Variants in PRKCA observed in about 807,000 individuals in gnomAD.
PRKCA encodes the protein protein kinase C alpha type.
PRKCA carries 27 observed loss-of-function variants against 87.0 expected under a neutral mutation model. The ratio of observed to expected loss-of-function variants is 0.31; its 90% CI spans 0.23 to 0.43. The LOEUF (loss-of-function observed/expected upper bound fraction) is 0.43. PRKCA is among the 20% of genes least tolerant of loss of function. The pLI, the probability that PRKCA is intolerant of heterozygous loss-of-function variation, is 1.00. For missense variants in PRKCA, 518 were observed against 852.3 expected (o/e 0.61, Z 4.88); for synonymous variants, 329 against 311.1 (o/e 1.06, Z -0.61).
intron 14 of PRKCA, chr17:66,775,660 C>T (rs1193118960): frequency 2.6e-5 from 26 of 985,320 alleles, no homozygotes; most frequent in South Asian, 1.9e-4. Context: ...CCATGCTGTG[C>T]GACAGAGCCA....
intron 3 of PRKCA, among the ~76,000 whole-genome samples, chr17:66,619,560 C>G (rs1052397495): frequency 6.6e-6 from 1 of 152,172 alleles, no homozygotes; most frequent in African/African-American, 2.4e-5. Context: ...GTATATGCAA[C>G]AGAAGGGCAT....
chr17:66,805,040 T>C lies in PRKCA; in HGVS notation c.*1003T>C. On this transcript the variant is annotated 3_prime_UTR_variant, in exon 17 of 17. Coordinates refer to ENST00000413366, the MANE Select transcript of PRKCA (RefSeq NM_002737.3). ...CAGTGTCGCTTATGAAAGTACGATG[T>C]ACAGTAACTTAATGGAAGTGCTGAC... is the stretch of plus-strand genomic sequence containing the variant. 1.0e-6 allele frequency: 1 copy of C among 983,556 alleles called. No homozygotes were observed. The highest frequency in any genetic ancestry group is 1.2e-6 in the Non-Finnish European group (1 of 828,106). The allele number at this position is 983,556 out of a possible 1,614,324, so 60.9% of individuals were successfully genotyped here. A position where few individuals can be genotyped will look rare whatever the true frequency, so the allele number is the denominator to read the frequency against.
chr17:66,451,987 G>A (rs1353201030), intron 2 of PRKCA, among the ~76,000 whole-genome samples: 2 of 152,204 alleles, frequency 1.3e-5, no homozygotes, highest in Non-Finnish European at 2.9e-5. Context: ...ACCGCCGGGA[G>A]GTAAATCAGA....
chr17:66,766,548 T>TA (rs1429436378), intron 13 of PRKCA, among the ~76,000 whole-genome samples: 1 of 152,094 alleles, frequency 6.6e-6, no homozygotes, highest in East Asian at 1.9e-4. Context: ...CTGCCACTGT[T>TA]AAAAACAAAC....
intron 16 of PRKCA, among the ~76,000 whole-genome samples, chr17:66,794,784 C>A (rs977259928): frequency 5.3e-5 from 8 of 152,040 alleles, no homozygotes; most frequent in African/African-American, 1.9e-4. Context: ...CCATGCCTGG[C>A]TAATTTTTTT....
chr17:66,774,071 A>G lies in PRKCA; in HGVS notation c.1605+4A>G, dbSNP rs1465849855. 1.9e-6 allele frequency: 3 copies of G among 1,613,778 alleles called. No individual in the cohort carries two copies. Among genetic ancestry groups the G allele is most frequent in the African/African-American group, 2.7e-5 (2 of 74,856 alleles). ...GTATGAAATGCTTGCCGGGCAGGTA[A>G]TGTTTTGCTACATTTTCATGTTTGT... is the stretch of plus-strand genomic sequence containing the variant. On this transcript the variant is annotated splice_donor_region_variant and intron_variant, in intron 14 of 16. Coordinates refer to ENST00000413366, the MANE Select transcript of PRKCA (RefSeq NM_002737.3).
chr17:66,520,031 T>TTTTG (rs576007020), intron 3 of PRKCA, among the ~76,000 whole-genome samples: 4 of 152,122 alleles, frequency 2.6e-5, no homozygotes, highest in South Asian at 4.1e-4. Context: ...AACTGGTTTG[T>TTTTG]TTTGTTTGTT....
chr17:66,635,442 G>C (rs773357925), intron 3 of PRKCA, among the ~76,000 whole-genome samples: 2 of 152,196 alleles, frequency 1.3e-5, no homozygotes, highest in Admixed American at 1.3e-4. Flanking sequence ...CATTTTGCCT[G>C]AGCTCTCATT....
intron 5 of PRKCA, among the ~76,000 whole-genome samples, chr17:66,645,957 G>A (rs752734340): frequency 6.6e-6 from 1 of 152,220 alleles, no homozygotes; most frequent in Non-Finnish European, 1.5e-5. Context: ...AGCAACAGCC[G>A]TTGAGTGCTT....
intron 5 of PRKCA, among the ~76,000 whole-genome samples, chr17:66,675,687 C>T (rs1285775694): frequency 2.6e-5 from 4 of 152,098 alleles, no homozygotes; most frequent in Admixed American, 6.5e-5. Context: ...GTGCCTGTTA[C>T]CCAAAGTTAA....
intron 3 of PRKCA, among the ~76,000 whole-genome samples, chr17:66,590,785 G>T (rs1206945446): frequency 6.6e-6 from 1 of 152,066 alleles, no homozygotes; most frequent in Non-Finnish European, 1.5e-5. Context: ...GGGAGGCGGA[G>T]ATTGCAGTGA....
At chr17:66,535,394 A>G (rs1426196521) in intron 3 of PRKCA, among the ~76,000 whole-genome samples, 1 of 152,196 alleles carries the variant, frequency 6.6e-6, no homozygotes, top group African/African-American at 2.4e-5. Flanking sequence ...ATGGCAGAAA[A>G]GATATGTATT....
chr17:66,708,739 C>G (rs1372595693), intron 8 of PRKCA, among the ~76,000 whole-genome samples: 1 of 152,160 alleles, frequency 6.6e-6, no homozygotes, highest in African/African-American at 2.4e-5. Context: ...AAGCAAAGAT[C>G]AGGCAACCCT....
intron 2 of PRKCA, among the ~76,000 whole-genome samples, chr17:66,426,240 T>A (rs1912797370): frequency 6.6e-6 from 1 of 151,774 alleles, no homozygotes; most frequent in African/African-American, 2.4e-5. Context: ...GGAGTGCTGG[T>A]GTAGGGTGGG....
chr17:66,411,717 C>T (rs1476904449), intron 2 of PRKCA, among the ~76,000 whole-genome samples: 2 of 152,102 alleles, frequency 1.3e-5, no homozygotes, highest in African/African-American at 4.8e-5. Flanking sequence ...CAGCCACTAG[C>T]GGCCGTCCTG....
chr17:66,329,821 A>T (rs985560610), intron 2 of PRKCA, among the ~76,000 whole-genome samples: 35 of 152,196 alleles, frequency 2.3e-4, no homozygotes, highest in Admixed American at 2.3e-3. Flanking sequence ...TGTTCAGTCA[A>T]ACACACCCCG....
chr17:66,652,884 G>A (rs1037798031), intron 5 of PRKCA, among the ~76,000 whole-genome samples: 5 of 152,168 alleles, frequency 3.3e-5, no homozygotes, highest in Non-Finnish European at 5.9e-5. Context: ...GGCCACCAAC[G>A]CCTTTCCTTT....
intron 3 of PRKCA, among the ~76,000 whole-genome samples, chr17:66,638,954 C>G (rs1971217718): frequency 6.6e-6 from 1 of 152,222 alleles, no homozygotes; most frequent in South Asian, 2.1e-4. Flanking sequence ...CTTTGGAATT[C>G]CCCGAAATCA....
intron 2 of PRKCA, among the ~76,000 whole-genome samples, chr17:66,337,148 G>A (rs577525802): frequency 1.1e-4 from 17 of 151,852 alleles, no homozygotes; most frequent in South Asian, 6.3e-4. Context: ...TTTTTCCTCC[G>A]CAGAGTCAAA....
Sources: gnomAD v4.1 joint callset for allele counts (sites outside exome capture counted in the v4.1 genomes callset) on GRCh38, gnomAD v4.1.1 for gene constraint, MANE v1.5 for transcripts, NCBI Gene and HGNC (gene_info 2026-07-23, HGNC 2026-07-21) for gene names.